NHS: variants seen among roughly 807,000 people sequenced by gnomAD.
The protein encoded by NHS is NHS actin remodeling regulator, also known as actin remodeling regulator NHS.
In NHS, 5 loss-of-function variants were observed where a neutral mutation model predicts 72.5. The ratio of observed to expected loss-of-function variants is 0.07; its 90% CI spans 0.04 to 0.14. The LOEUF (loss-of-function observed/expected upper bound fraction) is 0.14, where lower values mean the gene tolerates loss of function less well. Ranked by LOEUF, NHS falls within the 10% of genes least tolerant of loss-of-function variation. The pLI is 1.00. For missense variants in NHS, 1,072 were observed against 1,355.7 expected (o/e 0.79, Z 3.29); for synonymous variants, 464 against 547.7 (o/e 0.85, Z 2.13).
At chrX:17,538,253 T>G (rs1051913710) in intron 1 of NHS, among the ~76,000 whole-genome samples, 3 of 112,180 alleles carry the variant, frequency 2.7e-5, no homozygotes, top group Non-Finnish European at 3.8e-5. Flanking sequence ...AAAAGTGCAC[T>G]GCCTTTCCTG....
intron 1 of NHS, among the ~76,000 whole-genome samples, chrX:17,577,579 C>G (rs1001389311): frequency 9.0e-6 from 1 of 111,353 alleles, no homozygotes; most frequent in Admixed American, 9.5e-5. Context: ...GATTAAATAT[C>G]CACTTTAAAT....
At chrX:17,706,909 G>A (rs963380719) in intron 3 of NHS, among the ~76,000 whole-genome samples, 6 of 111,771 alleles carry the variant, frequency 5.4e-5, no homozygotes, top group Middle Eastern at 4.6e-3. Flanking sequence ...CTTCTCTTTC[G>A]CAAGCCTAAG....
intron 1 of NHS, among the ~76,000 whole-genome samples, chrX:17,502,788 CAAAAAAAAAAAAA>C (rs759665461): frequency 1.4e-4 from 1 of 7,102 alleles, no homozygotes; most frequent in African/African-American, 4.2e-4. Context: ...GACTCCGTCT[CAAAAAAAAAAAAA>C]AAAAAAAAAG....
At chrX:17,631,792 CTT>C (rs1181005636) in intron 1 of NHS, among the ~76,000 whole-genome samples, 1 of 111,966 alleles carries the variant, frequency 8.9e-6, no homozygotes, top group South Asian at 3.7e-4. Flanking sequence ...AAAGATGAAA[CTT>C]TATTTTTCGC....
chrX:17,583,031 T>A (rs1352227955), intron 1 of NHS, among the ~76,000 whole-genome samples: 1 of 111,692 alleles, frequency 9.0e-6, no homozygotes, highest in Non-Finnish European at 1.9e-5. Context: ...CTATCATGAG[T>A]TGGAGTTTAA....
At chrX:17,461,442 A>G (rs1310484869) in intron 1 of NHS, among the ~76,000 whole-genome samples, 2 of 112,504 alleles carry the variant, frequency 1.8e-5, no homozygotes, top group Non-Finnish European at 1.9e-5. Context: ...TGTGACTATA[A>G]TTACACCAAG....
At chrX:17,426,304 G>T (rs1367007952) in intron 1 of NHS, among the ~76,000 whole-genome samples, 4 of 111,863 alleles carry the variant, frequency 3.6e-5, no homozygotes. Context: ...CATCACTTAT[G>T]GGGGCTGTTT....
intron 3 of NHS, among the ~76,000 whole-genome samples, chrX:17,700,428 G>A (rs1454712081): frequency 2.9e-5 from 3 of 104,701 alleles, no homozygotes; most frequent in Non-Finnish European, 3.9e-5. Flanking sequence ...CTGGGTGACA[G>A]AGGAGACTGT....
chrX:17,461,177 A>G (rs749097389), intron 1 of NHS, among the ~76,000 whole-genome samples: 142 of 112,261 alleles, frequency 1.3e-3, no homozygotes, highest in Non-Finnish European at 2.4e-3. Context: ...AGGGCCACAC[A>G]GAATTCCATG....
At chrX:17,720,418 A>G (rs2066399206) in intron 4 of NHS, among the ~76,000 whole-genome samples, 1 of 112,400 alleles carries the variant, frequency 8.9e-6, no homozygotes, top group African/African-American at 3.2e-5. Flanking sequence ...TCTTACTGGG[A>G]TAACAGCAAA....
intron 1 of NHS, among the ~76,000 whole-genome samples, chrX:17,457,973 A>G (rs914847615): frequency 8.9e-6 from 1 of 111,905 alleles, no homozygotes; most frequent in African/African-American, 3.3e-5. Flanking sequence ...CTATATTTAT[A>G]TTTGTTCTTT....
rs1024480187 is a variant in NHS, at chrX:17,539,013, G to A, written c.566-148729G>A. Among the ~76,000 whole-genome samples, 4 of 112,161 alleles carry A rather than the reference G, an allele frequency of 3.6e-5. No homozygotes were observed. The East Asian group carries it at 1.1e-3, about 32-fold the overall frequency. On this transcript the variant is annotated intron_variant, in intron 1 of 8. Coordinates refer to ENST00000676302, the MANE Select transcript of NHS (RefSeq NM_001291867.2). ...CCCAAGCACCTACAGGAGTCTACATGATGGGCACATGCCCTCTACCCACAT... is the reference window on the plus strand; with the variant it reads ...CCCAAGCACCTACAGGAGTCTACATAATGGGCACATGCCCTCTACCCACAT...
At chrX:17,706,943 G>A (rs1275377649) in intron 3 of NHS, among the ~76,000 whole-genome samples, 1 of 111,901 alleles carries the variant, frequency 8.9e-6, no homozygotes, top group Non-Finnish European at 1.9e-5. Context: ...TTCAATTACA[G>A]CACTGTTTTC....
chrX:17,613,963 T>C (rs2065723904), intron 1 of NHS, among the ~76,000 whole-genome samples: 1 of 112,427 alleles, frequency 8.9e-6, no homozygotes, highest in African/African-American at 3.2e-5. Flanking sequence ...ATTAATCTGC[T>C]AGTAGACCCA....
At chrX:17,540,566 A>G (rs1262484182) in intron 1 of NHS, among the ~76,000 whole-genome samples, 1 of 112,247 alleles carries the variant, frequency 8.9e-6, no homozygotes, top group East Asian at 2.8e-4. Context: ...GGCCAAAACT[A>G]CTAGGCATCT....
intron 1 of NHS, among the ~76,000 whole-genome samples, chrX:17,481,610 GA>G (rs35190225): frequency 0.31 from 34,338 of 109,919 alleles, 4,540 homozygotes; most frequent in Non-Finnish European, 0.42. Context: ...ATGTTTGAAA[GA>G]AAAAACATGG....
chrX:17,684,043 G>A (rs188794515), intron 1 of NHS, among the ~76,000 whole-genome samples: 372 of 111,353 alleles, frequency 3.3e-3, no homozygotes, highest in Non-Finnish European at 5.8e-3. Flanking sequence ...AATAAATCTC[G>A]TGAGATCTGA....
chrX:17,408,946 C>A (rs1011665841), intron 1 of NHS, among the ~76,000 whole-genome samples: 9 of 103,147 alleles, frequency 8.7e-5, no homozygotes, highest in African/African-American at 2.4e-4. Context: ...GAGAAACCGA[C>A]GGAGAGAGGA....
chrX:17,383,339 C>T (rs902082856), intron 1 of NHS, among the ~76,000 whole-genome samples: 1 of 111,443 alleles, frequency 9.0e-6, no homozygotes, highest in African/African-American at 3.3e-5. Flanking sequence ...ACTATTTAGC[C>T]CAGGATTATT....
Sources: gnomAD v4.1 joint callset for allele counts (sites outside exome capture counted in the v4.1 genomes callset) on GRCh38, gnomAD v4.1.1 for gene constraint, MANE v1.5 for transcripts, NCBI Gene and HGNC (gene_info 2026-07-23, HGNC 2026-07-21) for gene names.